The following FOXN3 variants were observed in gnomAD, a reference collection of about 807,000 sequenced individuals.
FOXN3 encodes the protein forkhead box protein N3.
A neutral mutation model predicts 38.4 loss-of-function variants in FOXN3; 7 were observed. That is an observed-to-expected ratio of 0.18 (90% CI 0.10 to 0.34). The LOEUF is 0.34. FOXN3 is among the 10% of genes least tolerant of loss of function. The pLI is 1.00. For synonymous variants in FOXN3, 230 were observed against 242.2 expected (o/e 0.95, Z 0.47); for missense variants, 456 against 613.4 (o/e 0.74, Z 2.71).
chr14:89,253,045 G>A (rs1034080852), intron 4 of FOXN3, among the ~76,000 whole-genome samples: 2 of 152,194 alleles, frequency 1.3e-5, no homozygotes, highest in Non-Finnish European at 2.9e-5. Flanking sequence ...CCTCGGTGCT[G>A]ATCCTGGTGG....
At chr14:89,243,005 C>T (rs964162590) in intron 4 of FOXN3, among the ~76,000 whole-genome samples, 2 of 152,120 alleles carry the variant, frequency 1.3e-5, no homozygotes, top group African/African-American at 4.8e-5. Flanking sequence ...GTTTCTTCCC[C>T]GAGTCCTGCC....
At chr14:89,522,107 T>C (rs1161233814) in intron 1 of FOXN3, among the ~76,000 whole-genome samples, 1 of 151,692 alleles carries the variant, frequency 6.6e-6, no homozygotes. Flanking sequence ...CAGAAGTCAG[T>C]AGAGCTGTAT....
chr14:89,362,881 C>T (rs11159903), intron 2 of FOXN3, among the ~76,000 whole-genome samples: 93,263 of 150,226 alleles, frequency 0.62, 29,333 homozygotes, highest in East Asian at 0.7. Flanking sequence ...GTGGGCCTAA[C>T]GAAAGGTGGA....
At chr14:89,439,961 C>T (rs1308922207) in intron 1 of FOXN3, among the ~76,000 whole-genome samples, 1 of 152,136 alleles carries the variant, frequency 6.6e-6, no homozygotes, top group Non-Finnish European at 1.5e-5. Context: ...GCCTCCTTTA[C>T]TTTCTTAATA....
intron 1 of FOXN3, among the ~76,000 whole-genome samples, chr14:89,608,530 G>A (rs913299876): frequency 1.3e-5 from 2 of 152,152 alleles, no homozygotes; most frequent in Non-Finnish European, 2.9e-5. Context: ...TCTTACTGTA[G>A]GTCTTTGAAA....
At position 89,160,408 on chromosome 14, in the gene FOXN3, T is replaced by C. The variant is rs1021802477; in HGVS notation, c.*2006A>G. On this transcript the variant is annotated 3_prime_UTR_variant, in exon 6 of 6. Coordinates refer to ENST00000557258, the MANE Select transcript of FOXN3 (RefSeq NM_005197.4). ...CTATTGCGACATGGCATTGTGGCGA[T>C]AGGATGTCTGGGGCTGGCCTTTCCT... 6.6e-6 allele frequency: 1 copy of C among 152,382 alleles called. No homozygotes were observed. Among genetic ancestry groups the C allele is most frequent in the Non-Finnish European group, 1.5e-5 (1 of 67,980 alleles). The allele number at this position is 152,382 out of a possible 1,614,324, so 9.4% of individuals were successfully genotyped here.
chr14:89,531,966 A>G (rs1357406278), intron 1 of FOXN3, among the ~76,000 whole-genome samples: 1 of 152,090 alleles, frequency 6.6e-6, no homozygotes, highest in Non-Finnish European at 1.5e-5. Flanking sequence ...GAGCCACCAC[A>G]CCTGGCCTTA....
chr14:89,193,448 TGTG>T (rs1290886215), intron 4 of FOXN3, among the ~76,000 whole-genome samples: 1 of 152,178 alleles, frequency 6.6e-6, no homozygotes, highest in African/African-American at 2.4e-5. Flanking sequence ...TAATCACACA[TGTG>T]GGAGAACCTA....
chr14:89,390,572 G>C (rs904028304), intron 2 of FOXN3, among the ~76,000 whole-genome samples: 14 of 149,812 alleles, frequency 9.3e-5, no homozygotes, highest in Non-Finnish European at 1.2e-4. Flanking sequence ...GTATCATTTA[G>C]TAGTGGCTAC....
At chr14:89,340,889 C>G (rs1164930237) in intron 3 of FOXN3, among the ~76,000 whole-genome samples, 2 of 152,104 alleles carry the variant, frequency 1.3e-5, no homozygotes, top group Non-Finnish European at 1.5e-5. Flanking sequence ...CTGAATTAGT[C>G]CCATCACGGT....
At chr14:89,477,033 G>A (rs759906641) in intron 1 of FOXN3, among the ~76,000 whole-genome samples, 11 of 152,246 alleles carry the variant, frequency 7.2e-5, no homozygotes, top group South Asian at 2.1e-4. Context: ...AGGGACAGGC[G>A]TATGTACATG....
rs191583374 is a variant in FOXN3, at chr14:89,216,276, C to G, written c.746-35470G>C. ...AATCGGGTACAAACTTTCCATCATC[C>G]CTGCTTGATAAAAAAGAAAAAACAG... On this transcript the variant is annotated intron_variant, in intron 4 of 5. Transcript: ENST00000557258. Among the ~76,000 whole-genome samples the G allele has an allele frequency of 3.9e-3, 599 of 152,108 alleles. 3 individuals are homozygous for G. The highest frequency in any genetic ancestry group is 4.3e-3 in the Admixed American group (65 of 15,286).
At chr14:89,445,819 A>C (rs1180866275) in intron 1 of FOXN3, among the ~76,000 whole-genome samples, 1 of 151,912 alleles carries the variant, frequency 6.6e-6, no homozygotes, top group African/African-American at 2.4e-5. Flanking sequence ...GGTGGCTCAC[A>C]CCTATAACCC....
chr14:89,373,552 C>G (rs1227031615), intron 2 of FOXN3, among the ~76,000 whole-genome samples: 1 of 152,196 alleles, frequency 6.6e-6, no homozygotes, highest in Non-Finnish European at 1.5e-5. Flanking sequence ...CAGCACAAAG[C>G]AGTGACCATT....
At chr14:89,267,816 C>T (rs938023947) in intron 4 of FOXN3, among the ~76,000 whole-genome samples, 8 of 151,532 alleles carry the variant, frequency 5.3e-5, no homozygotes, top group South Asian at 2.1e-4. Flanking sequence ...TGCGTGTTGG[C>T]GGTGGGGGCC....
chr14:89,383,696 A>G (rs1392808208), intron 2 of FOXN3, among the ~76,000 whole-genome samples: 1 of 151,628 alleles, frequency 6.6e-6, no homozygotes, highest in African/African-American at 2.4e-5. Context: ...CTCTCCTCGT[A>G]AGGGACGCTA....
chr14:89,190,335 G>T (rs1479866381), intron 4 of FOXN3: 11 of 1,418,860 alleles, frequency 7.8e-6, no homozygotes, highest in Admixed American at 3.5e-5. Flanking sequence ...AAATGAGAAG[G>T]TTAAGTTCAC....
intron 1 of FOXN3, among the ~76,000 whole-genome samples, chr14:89,492,684 C>T (rs1269150717): frequency 6.6e-6 from 1 of 152,104 alleles, no homozygotes; most frequent in African/African-American, 2.4e-5. Context: ...TGCACTCTGG[C>T]CTGGGCGACA....
chr14:89,614,988 T>A (rs1307618473), intron 1 of FOXN3, among the ~76,000 whole-genome samples: 1 of 152,172 alleles, frequency 6.6e-6, no homozygotes, highest in African/African-American at 2.4e-5. Flanking sequence ...ATTGAAGCAA[T>A]TAAATATACT....
Sources: gnomAD v4.1 joint callset for allele counts (sites outside exome capture counted in the v4.1 genomes callset) on GRCh38, gnomAD v4.1.1 for gene constraint, MANE v1.5 for transcripts, NCBI Gene and HGNC (gene_info 2026-07-23, HGNC 2026-07-21) for gene names.